Variants in TPO observed in about 807,000 individuals in gnomAD.
The protein encoded by TPO is thyroid peroxidase.
TPO carries 78 observed loss-of-function variants against 96.9 expected under a neutral mutation model. The ratio of observed to expected loss-of-function variants is 0.81; its 90% CI spans 0.67 to 0.97. The LOEUF (loss-of-function observed/expected upper bound fraction) is 0.97, where lower values mean the gene tolerates loss of function less well. Among genes scored for constraint, TPO ranks in the 50% least tolerant of loss-of-function variants. TPO has a pLI of 0.00. For missense variants in TPO, 1,252 were observed against 1,274.8 expected (o/e 0.98, Z 0.27); for synonymous variants, 547 against 538.0 (o/e 1.02, Z -0.23).
Position 1,382,082 on chromosome 2 carries a change from TC to T in TPO, n.180+7683del, listed in dbSNP as rs557379740. Among the ~76,000 whole-genome samples, 12 of 152,098 alleles carry T rather than the reference TC, an allele frequency of 7.9e-5. No homozygotes were observed. In the South Asian group the frequency reaches 2.5e-3, roughly 32 times the overall value. ...AGTCTATCTTTTGACCGAAAGAAGC[TC>T]CCTGATGCATTAAACCCTTTAAAAT... On this transcript the variant is annotated intron_variant and non_coding_transcript_variant, in intron 1 of 5. Coordinates refer to the TPO transcript ENST00000497517.
Position 1,401,050 on chromosome 2 carries a change from T to C in TPO, n.180+26648T>C, listed in dbSNP as rs567991219. 2.8e-3 allele frequency among the ~76,000 whole-genome samples: 413 copies of C among 145,030 alleles called. 1 individual carries two copies. The highest frequency in any genetic ancestry group is 0.012 in the African/African-American group (400 of 34,640). Reference sequence around the variant, plus strand: ...CTGTCCTTGTAGGTCTGGATACTCCTCACCTTGCTGTAAGCTCAGAGAGCT... The same window carrying C: ...CTGTCCTTGTAGGTCTGGATACTCCCCACCTTGCTGTAAGCTCAGAGAGCT... On this transcript the variant is annotated intron_variant and non_coding_transcript_variant, in intron 1 of 5. Transcript: ENST00000497517.
chr2:1,490,641 A>C (rs73911844), intron 10 of TPO, among the ~76,000 whole-genome samples: 10,673 of 151,574 alleles, frequency 0.07, 524 homozygotes, highest in East Asian at 0.15. Context: ...TGAAGCACAG[A>C]CAGTTTAGGC....
rs566198184 is a variant in TPO, at chr2:1,512,981, G to A, written c.2519-3902G>A. Among the ~76,000 whole-genome samples the A allele has an allele frequency of 8.5e-5, 13 of 152,314 alleles. No individual in the cohort carries two copies. In the South Asian group the frequency reaches 1.5e-3, roughly 17 times the overall value. The stretch of plus-strand genomic sequence containing the variant: ...CGCACAAGCCTAACTGTTGTTGCAC[G>A]GAGGCCACACACGTCCCTGATGAAA... On this transcript the variant is annotated intron_variant, in intron 14 of 16. Transcript: ENST00000329066.
At chr2:1,520,267 C>G (rs975049941) in intron 15 of TPO, among the ~76,000 whole-genome samples, 7 of 152,214 alleles carry the variant, frequency 4.6e-5, no homozygotes, top group African/African-American at 1.7e-4. Flanking sequence ...TCAACACAAT[C>G]CCAGCCTCGC....
intron 7 of TPO, among the ~76,000 whole-genome samples, chr2:1,461,194 G>A (rs181137049): frequency 1.8e-3 from 275 of 152,248 alleles, no homozygotes; most frequent in African/African-American, 6.1e-3. Flanking sequence ...TCCTGGGCAC[G>A]TTCTGCTGGT....
At chr2:1,540,465 G>A in intron 15 of TPO, 129 bp from the exon 16 acceptor site, 1 of 1,589,236 alleles carries the variant, frequency 6.3e-7, no homozygotes, top group South Asian at 1.1e-5. Flanking sequence ...AGTGTGAAAT[G>A]AAAGTGGGTT....
At chr2:1,541,118 T>C in intron 16 of TPO, 1 of 1,191,184 alleles carries the variant, frequency 8.4e-7, no homozygotes. Context: ...TATGTTTATG[T>C]TTTACCCCCT....
intron 1 of TPO, among the ~76,000 whole-genome samples, chr2:1,390,506 T>A (rs1661983749): frequency 1.3e-5 from 2 of 152,200 alleles, no homozygotes; most frequent in South Asian, 4.1e-4. Context: ...GCATGTGTCT[T>A]TACAGTAGCA....
intron 7 of TPO, among the ~76,000 whole-genome samples, chr2:1,461,680 A>C (rs1281074315): frequency 1.3e-5 from 2 of 152,070 alleles, no homozygotes; most frequent in Non-Finnish European, 2.9e-5. Flanking sequence ...TTGTGCACAC[A>C]CACGCACACC....
intron 3 of TPO, among the ~76,000 whole-genome samples, chr2:1,427,530 A>G (rs372555979): frequency 6.6e-6 from 1 of 152,304 alleles, no homozygotes; most frequent in East Asian, 1.9e-4. Flanking sequence ...CGGACAGGGC[A>G]GTGTGCTTTT....
Position 1,542,858 on chromosome 2 carries a change from C to T in TPO, c.*384C>T, listed in dbSNP as rs1045458029. The T allele has an allele frequency of 2.7e-6, 1 of 371,076 alleles. No homozygotes were observed. Among genetic ancestry groups the T allele is most frequent in the South Asian group, 2.4e-5 (1 of 41,670 alleles). The allele number at this position is 371,076 out of a possible 1,614,324, so 23.0% of individuals were successfully genotyped here. A position where few individuals can be genotyped will look rare whatever the true frequency, so the allele number is the denominator to read the frequency against. On this transcript the variant is annotated 3_prime_UTR_variant, in exon 17 of 17. Coordinates refer to ENST00000329066, the MANE Select transcript of TPO (RefSeq NM_001206744.2). ...CCCTCCAGCACTGGTTTTTCCACAC[C>T]CCCTGCCCATCACCAGGTGTCCACA...
At chr2:1,506,956 G>GC (rs2125021522) in intron 14 of TPO, among the ~76,000 whole-genome samples, 1 of 152,090 alleles carries the variant, frequency 6.6e-6, no homozygotes, top group Non-Finnish European at 1.5e-5. Context: ...TGAAGTCCTT[G>GC]CCCATGCCTA....
intron 1 of TPO, among the ~76,000 whole-genome samples, chr2:1,374,971 T>C (rs1661699864): frequency 6.6e-6 from 1 of 152,072 alleles, no homozygotes; most frequent in African/African-American, 2.4e-5. Context: ...ACTCGTCATC[T>C]ACCCACCTTG....
At chr2:1,531,530 T>C in intron 15 of TPO, among the ~76,000 whole-genome samples, 1 of 90,332 alleles carries the variant, frequency 1.1e-5, no homozygotes, top group African/African-American at 4.5e-5. Context: ...GTGTGCAACC[T>C]CCTCAAATCC....
At chr2:1,407,195 A>G (rs891773596) in intron 1 of TPO, among the ~76,000 whole-genome samples, 2 of 152,206 alleles carry the variant, frequency 1.3e-5, no homozygotes, top group African/African-American at 4.8e-5. Context: ...TATGTGTACT[A>G]TTACTTTCCA....
At chr2:1,393,621 A>G (rs143187513) in intron 1 of TPO, among the ~76,000 whole-genome samples, 2,886 of 152,302 alleles carry the variant, frequency 0.019, 69 homozygotes, top group South Asian at 0.12. Context: ...TCTTCCAAAT[A>G]AGGCCTGTGG....
intron 13 of TPO, among the ~76,000 whole-genome samples, chr2:1,501,304 CGGAG>C (rs2124981604): frequency 6.6e-6 from 1 of 151,020 alleles, no homozygotes; most frequent in African/African-American, 2.4e-5. Context: ...GCGAAGCAGT[CGGAG>C]AGCAGAGCCT....
rs28991284 is a variant in TPO, at chr2:1,495,632, C to T, written c.2007-357C>T. ...GTGGCTCTGAGCCCCTCTTCTGAGGCCGCTCGTTCAGACAGCCAGGTGCAC... is the reference window on the plus strand; with the variant it reads ...GTGGCTCTGAGCCCCTCTTCTGAGGTCGCTCGTTCAGACAGCCAGGTGCAC... On this transcript the variant is annotated intron_variant, in intron 11 of 16. Coordinates refer to ENST00000329066, the MANE Select transcript of TPO (RefSeq NM_001206744.2). Among the ~76,000 whole-genome samples the T allele has an allele frequency of 6.5e-3, 991 of 152,352 alleles. 10 individuals are homozygous for T. Among genetic ancestry groups the T allele is most frequent in the African/African-American group, 0.023 (938 of 41,582 alleles).
chr2:1,438,796 TGCA>T (rs1665867133), intron 5 of TPO: 1 of 669,498 alleles, frequency 1.5e-6, no homozygotes, highest in Non-Finnish European at 2.7e-6. Context: ...TTTTTTTTTT[TGCA>T]AATGCCTGGA....
Sources: allele counts gnomAD v4.1 joint callset (sites outside exome capture counted in the v4.1 genomes callset), GRCh38; gene constraint gnomAD v4.1.1; transcripts MANE v1.5; gene names NCBI Gene and HGNC (gene_info 2026-07-23, HGNC 2026-07-21).